The following AP3B1 variants were observed in gnomAD, a reference collection of about 807,000 sequenced individuals.
AP3B1 encodes the protein AP-3 complex subunit beta-1.
AP3B1 carries 61 observed loss-of-function variants against 132.5 expected under a neutral mutation model. The ratio of observed to expected loss-of-function variants is 0.46; its 90% CI spans 0.37 to 0.57. AP3B1 has a LOEUF of 0.57. Ranked by LOEUF, AP3B1 falls within the 20% of genes least tolerant of loss-of-function variation. The pLI is 0.00. For missense variants in AP3B1, 1,120 were observed against 1,289.4 expected (o/e 0.87, Z 2.01); for synonymous variants, 388 against 438.3 (o/e 0.89, Z 1.43).
In AP3B1 at chr5:78,002,635, C is replaced by A; in HGVS notation, c.*267G>T. On this transcript the variant is annotated 3_prime_UTR_variant, in exon 27 of 27. Coordinates refer to ENST00000255194, the MANE Select transcript of AP3B1 (RefSeq NM_003664.5). ...AAAACGAGGAGGCCAAAAGAAGCAG[C>A]AGGACAGAGAAAACGCCACATGGAT... The A allele has an allele frequency of 1.7e-6, 1 of 593,410 alleles. No homozygotes were observed. The highest frequency in any genetic ancestry group is 2.1e-5 in the South Asian group (1 of 47,210). 36.8% of individuals were successfully genotyped at this position (593,410 alleles called of 1,614,324 possible).
Position 78,225,535 on chromosome 5 carries a change from T to C in AP3B1, c.603+7A>G, listed in dbSNP as rs1746366756. 6.7e-7 allele frequency: 1 copy of C among 1,500,586 alleles called. No homozygotes were observed. Among genetic ancestry groups the C allele is most frequent in the Admixed American group, 1.7e-5 (1 of 59,436 alleles). 93.0% of individuals were successfully genotyped at this position (1,500,586 alleles called of 1,614,324 possible). A position where few individuals can be genotyped will look rare whatever the true frequency, so the allele number is the denominator to read the frequency against. On this transcript the variant is annotated splice_region_variant and intron_variant, in intron 6 of 26. Transcript: ENST00000255194. Reference sequence around the variant, plus strand: ...TTATGTCAAAGACGTAAAAAGACATTACTTACTGTGCTTTTATCTTTCAGA... The same window carrying C: ...TTATGTCAAAGACGTAAAAAGACATCACTTACTGTGCTTTTATCTTTCAGA...
intron 12 of AP3B1, among the ~76,000 whole-genome samples, chr5:78,163,617 A>G (rs200451386): frequency 1.8e-4 from 24 of 135,106 alleles, no homozygotes; most frequent in Middle Eastern, 4.4e-3. Context: ...GTGTGTGTGT[A>G]TATATAGTAT....
chr5:78,026,963 G>T (rs920180150), intron 24 of AP3B1, among the ~76,000 whole-genome samples: 2 of 151,770 alleles, frequency 1.3e-5, no homozygotes, highest in Admixed American at 6.6e-5. Context: ...CTTTCTACTG[G>T]ATTCCCTTTT....
At position 78,294,591 on chromosome 5, in the gene AP3B1, T is replaced by C. The variant is rs767772532; in HGVS notation, c.-12A>G. On this transcript the variant is annotated 5_prime_UTR_variant, in exon 1 of 27. Transcript: ENST00000255194. ...CTATTGCTGGACATTGCCGCGGTGCTGGCGGGTGCGGGGTTGGTCCTGCCG... is the reference window on the plus strand; with the variant it reads ...CTATTGCTGGACATTGCCGCGGTGCCGGCGGGTGCGGGGTTGGTCCTGCCG... 2.5e-6 allele frequency: 4 copies of C among 1,614,022 alleles called. No individual in the cohort carries two copies. The highest frequency in any genetic ancestry group is 1.7e-6 in the Non-Finnish European group (2 of 1,180,024).
chr5:78,009,272 T>C (rs938530075), intron 26 of AP3B1, among the ~76,000 whole-genome samples: 4 of 132,510 alleles, frequency 3.0e-5, no homozygotes, highest in Non-Finnish European at 4.7e-5. Context: ...CTGGGCAACA[T>C]AGGGACACCC....
At chr5:78,066,905 C>T (rs922011548) in intron 22 of AP3B1, among the ~76,000 whole-genome samples, 27 of 152,136 alleles carry the variant, frequency 1.8e-4, no homozygotes, top group African/African-American at 6.0e-4. Flanking sequence ...AGTGTAAGCG[C>T]AGCCAGAGAG....
chr5:78,156,763 C>G (rs1453680362), intron 13 of AP3B1, among the ~76,000 whole-genome samples: 1 of 152,056 alleles, frequency 6.6e-6, no homozygotes. Flanking sequence ...ACAATCTAAA[C>G]AACATTTTCC....
intron 2 of AP3B1, among the ~76,000 whole-genome samples, chr5:78,245,458 A>G (rs560092251): frequency 2.0e-5 from 3 of 152,300 alleles, no homozygotes; most frequent in African/African-American, 7.2e-5. Flanking sequence ...TGAGCATGGG[A>G]ACATGATGGC....
intron 17 of AP3B1, among the ~76,000 whole-genome samples, chr5:78,120,370 A>G (rs1752115125): frequency 6.6e-6 from 1 of 152,232 alleles, no homozygotes; most frequent in Non-Finnish European, 1.5e-5. Flanking sequence ...AATGGGCTAA[A>G]TGCTCCAATT....
intron 22 of AP3B1, among the ~76,000 whole-genome samples, chr5:78,087,104 A>C (rs1437243193): frequency 6.6e-6 from 1 of 152,152 alleles, no homozygotes; most frequent in Non-Finnish European, 1.5e-5. Context: ...ATCATTGAAA[A>C]TATTAGTTTA....
intron 3 of AP3B1, among the ~76,000 whole-genome samples, chr5:78,235,501 C>A (rs899246155): frequency 6.6e-6 from 1 of 152,124 alleles, no homozygotes; most frequent in East Asian, 1.9e-4. Context: ...CAGAAGGTTG[C>A]GAAACACTAA....
At chr5:78,144,540 A>G (rs1348974414) in intron 14 of AP3B1, among the ~76,000 whole-genome samples, 1 of 152,218 alleles carries the variant, frequency 6.6e-6, no homozygotes, top group African/African-American at 2.4e-5. Flanking sequence ...TAGACATCTA[A>G]GCAAACTGCA....
At chr5:78,014,007 C>CA (rs1746741859) in intron 26 of AP3B1, among the ~76,000 whole-genome samples, 1 of 151,994 alleles carries the variant, frequency 6.6e-6, no homozygotes, top group Non-Finnish European at 1.5e-5. Context: ...ACTAAAAATA[C>CA]AAAAAATTAG....
intron 22 of AP3B1, among the ~76,000 whole-genome samples, chr5:78,047,898 A>G (rs1748409632): frequency 2.0e-5 from 3 of 152,192 alleles, no homozygotes; most frequent in East Asian, 1.9e-4. Flanking sequence ...GACTCTTCAC[A>G]GTTCTTGATG....
chr5:78,255,036 A>T (rs1013133855), intron 2 of AP3B1, among the ~76,000 whole-genome samples: 2 of 152,142 alleles, frequency 1.3e-5, no homozygotes, highest in African/African-American at 4.8e-5. Flanking sequence ...AGGTTAAAAT[A>T]ATGGATTATA....
chr5:78,135,176 A>G (rs942235866), intron 15 of AP3B1, among the ~76,000 whole-genome samples: 9 of 152,300 alleles, frequency 5.9e-5, no homozygotes, highest in Middle Eastern at 3.4e-3. Flanking sequence ...TGATTTACAA[A>G]ATCTCTCACT....
chr5:78,205,432 CATAT>C (rs199735461), intron 7 of AP3B1, among the ~76,000 whole-genome samples: 1 of 150,960 alleles, frequency 6.6e-6, no homozygotes, highest in African/African-American at 2.4e-5. Flanking sequence ...TATATATATA[CATAT>C]ATATATACAC....
chr5:78,193,675 T>C (rs1358023382), intron 7 of AP3B1, among the ~76,000 whole-genome samples: 4 of 146,764 alleles, frequency 2.7e-5, no homozygotes, highest in Non-Finnish European at 6.0e-5. Flanking sequence ...TATATATATT[T>C]ATATATTTAC....
chr5:78,127,069 G>A (rs1347735774), intron 17 of AP3B1, among the ~76,000 whole-genome samples: 2 of 152,180 alleles, frequency 1.3e-5, no homozygotes, highest in Non-Finnish European at 2.9e-5. Flanking sequence ...GAGTGGTTAA[G>A]AGAAACATTT....
Sources: gnomAD v4.1 joint callset for allele counts (sites outside exome capture counted in the v4.1 genomes callset) on GRCh38, gnomAD v4.1.1 for gene constraint, MANE v1.5 for transcripts, NCBI Gene and HGNC (gene_info 2026-07-23, HGNC 2026-07-21) for gene names.